Variants in EYS observed in about 807,000 individuals in gnomAD.
EYS encodes the protein protein eyes shut homolog.
In EYS, 250 loss-of-function variants were observed where a neutral mutation model predicts 282.1. That is an observed-to-expected ratio of 0.89 (90% CI 0.80 to 0.98). The LOEUF is 0.98. Ranked by LOEUF, EYS falls within the 50% of genes least tolerant of loss-of-function variation. EYS has a pLI of 0.00. For missense variants in EYS, 4,016 were observed against 3,709.0 expected, an observed-to-expected ratio of 1.08 and a Z score of -2.15; for synonymous variants, 1,355 against 1,282.9, an observed-to-expected ratio of 1.06 and a Z score of -1.20.
At chr6:65,396,537 C>T (rs975501647) in intron 7 of EYS, among the ~76,000 whole-genome samples, 2 of 152,022 alleles carry the variant, frequency 1.3e-5, no homozygotes, top group Admixed American at 1.3e-4. Context: ...TCACTCTTTC[C>T]CCTCCATTGT....
chr6:64,920,592 T>A (rs1768313087), intron 15 of EYS, among the ~76,000 whole-genome samples: 1 of 152,154 alleles, frequency 6.6e-6, no homozygotes, highest in Non-Finnish European at 1.5e-5. Flanking sequence ...CATAGTTGCA[T>A]CTTTTTCAAT....
intron 22 of EYS, among the ~76,000 whole-genome samples, chr6:64,630,713 A>C (rs914305581): frequency 6.6e-6 from 1 of 152,148 alleles, no homozygotes; most frequent in African/African-American, 2.4e-5. Context: ...CATGATTTCA[A>C]TTTTAAACTT....
At position 65,465,437 on chromosome 6, in the gene EYS, G is replaced by A. The variant is rs1039269695; in HGVS notation, c.862+25157C>T. On this transcript the variant is annotated intron_variant, in intron 5 of 42. Transcript: ENST00000503581. Reference sequence around the variant, plus strand: ...GGTGGCAGTGAGCCACGATTGTGCCGCTGTATTCCAGCCTGGGTGACAGAG... The same window carrying A: ...GGTGGCAGTGAGCCACGATTGTGCCACTGTATTCCAGCCTGGGTGACAGAG... 1.4e-4 allele frequency among the ~76,000 whole-genome samples: 21 copies of A among 151,992 alleles called. 1 individual carries two copies. The South Asian group carries it at 1.7e-3, about 12-fold the overall frequency.
intron 7 of EYS, among the ~76,000 whole-genome samples, chr6:65,391,377 C>A (rs1393863750): frequency 1.3e-5 from 2 of 152,118 alleles, no homozygotes; most frequent in East Asian, 3.9e-4. Context: ...CTTTAAAAAA[C>A]TTTTCCCTAT....
intron 19 of EYS, among the ~76,000 whole-genome samples, chr6:64,843,694 G>A (rs1765634405): frequency 2.0e-5 from 3 of 152,106 alleles, no homozygotes; most frequent in Admixed American, 6.6e-5. Flanking sequence ...GAAGGGACTT[G>A]CCTTGTTTCA....
intron 12 of EYS, among the ~76,000 whole-genome samples, chr6:65,293,134 G>GT (rs2150284395): frequency 6.6e-6 from 1 of 151,582 alleles, no homozygotes; most frequent in Admixed American, 6.6e-5. Flanking sequence ...CATAAGAAAA[G>GT]TAAGATGAGA....
chr6:64,678,448 C>T (rs750495526), intron 22 of EYS, among the ~76,000 whole-genome samples: 1 of 151,890 alleles, frequency 6.6e-6, no homozygotes, highest in Admixed American at 6.6e-5. Flanking sequence ...CATGGTGGCA[C>T]GTTCCTGTAT....
chr6:63,787,628 T>C (rs1369518852), intron 39 of EYS, among the ~76,000 whole-genome samples: 1 of 152,152 alleles, frequency 6.6e-6, no homozygotes, highest in Non-Finnish European at 1.5e-5. Flanking sequence ...ATCCTAAACA[T>C]CTAGTACATA....
intron 26 of EYS, among the ~76,000 whole-genome samples, chr6:64,550,253 G>A (rs1765030112): frequency 6.6e-6 from 1 of 152,162 alleles, no homozygotes; most frequent in South Asian, 2.1e-4. Context: ...TATATACCCA[G>A]TAATGGGATT....
rs111231430 is a variant in EYS, at chr6:64,969,090, G to GA, written c.2260-23177dup. ...GTATTTCACAATCAACTCCTTGCGT[G>GA]AAAAAAAAAAAAATCTCATTTCCTA... is the stretch of plus-strand genomic sequence containing the variant. On this transcript the variant is annotated intron_variant, in intron 14 of 42. Transcript: ENST00000503581. Among the ~76,000 whole-genome samples, 885 of 143,814 alleles carry GA rather than the reference G, an allele frequency of 6.2e-3. 10 individuals are homozygous for GA. The highest frequency in any genetic ancestry group is 0.018 in the African/African-American group (708 of 39,314). 94.3% of individuals were successfully genotyped at this position (143,814 alleles called of 152,430 possible).
chr6:65,451,630 C>T (rs2150402128), intron 5 of EYS, among the ~76,000 whole-genome samples: 1 of 152,070 alleles, frequency 6.6e-6, no homozygotes, highest in East Asian at 1.9e-4. Flanking sequence ...TTGTCATTAG[C>T]TTAAAGAGTT....
chr6:64,536,445 T>C (rs1764521889), intron 26 of EYS, among the ~76,000 whole-genome samples: 1 of 152,188 alleles, frequency 6.6e-6, no homozygotes, highest in Non-Finnish European at 1.5e-5. Context: ...GTACTCTCTA[T>C]TACATGGTTT....
intron 30 of EYS, among the ~76,000 whole-genome samples, chr6:64,289,059 C>A (rs573009808): frequency 6.6e-6 from 1 of 152,158 alleles, no homozygotes; most frequent in Admixed American, 6.6e-5. Context: ...CATATCTTAA[C>A]CCTGATTCTC....
intron 5 of EYS, among the ~76,000 whole-genome samples, chr6:65,459,968 T>TTTTA (rs1477968765): frequency 8.7e-5 from 7 of 80,662 alleles, no homozygotes; most frequent in Admixed American, 1.5e-4. Flanking sequence ...TTTGTGTATT[T>TTTTA]TATATATATA....
Position 64,935,988 on chromosome 6 carries a change from A to G in EYS, c.2381+9805T>C, listed in dbSNP as rs183319796. On this transcript the variant is annotated intron_variant, in intron 15 of 42. Transcript: ENST00000503581. ...TCTAAATCCAGTCAAAGATATGACA[A>G]AAAAAGAAAAATACAGATCAATATG... Among the ~76,000 whole-genome samples, 219 of 151,688 alleles carry G rather than the reference A, an allele frequency of 1.4e-3. 1 individual carries two copies. Among genetic ancestry groups the G allele is most frequent in the African/African-American group, 5.0e-3 (207 of 41,510 alleles).
intron 2 of EYS, among the ~76,000 whole-genome samples, chr6:65,568,154 G>A (rs1315409031): frequency 6.6e-6 from 1 of 151,970 alleles, no homozygotes; most frequent in Non-Finnish European, 1.5e-5. Context: ...ATCCCCAACT[G>A]AACTATTTAC....
At chr6:64,468,059 T>A (rs762238779) in intron 26 of EYS, among the ~76,000 whole-genome samples, 6 of 152,128 alleles carry the variant, frequency 3.9e-5, no homozygotes, top group Non-Finnish European at 8.8e-5. Context: ...GCAAGCTGTC[T>A]GGAGACCTGA....
intron 35 of EYS, among the ~76,000 whole-genome samples, chr6:63,970,720 G>A (rs1766528247): frequency 6.6e-6 from 1 of 151,942 alleles, no homozygotes; most frequent in African/African-American, 2.4e-5. Flanking sequence ...GAAGCAAGAG[G>A]GTTGACATTG....
intron 22 of EYS, among the ~76,000 whole-genome samples, chr6:64,786,755 T>A (rs900777535): frequency 2.6e-5 from 4 of 152,200 alleles, no homozygotes; most frequent in Admixed American, 6.5e-5. Context: ...ACATGATTTT[T>A]TAAAAAATTA....
Sources: gnomAD v4.1 joint callset for allele counts (sites outside exome capture counted in the v4.1 genomes callset) on GRCh38, gnomAD v4.1.1 for gene constraint, MANE v1.5 for transcripts, NCBI Gene and HGNC (gene_info 2026-07-23, HGNC 2026-07-21) for gene names.